Variants in C1orf87 observed in about 807,000 individuals in gnomAD.
C1orf87 encodes the protein uncharacterized protein C1orf87.
Under a neutral mutation model 60.5 loss-of-function variants are expected in C1orf87, and 58 were observed. That is an observed-to-expected ratio of 0.96 (90% CI 0.78 to 1.19). C1orf87 has a LOEUF of 1.19. Among genes scored for constraint, C1orf87 ranks in the 50% most tolerant of loss-of-function variants. The pLI is 0.00. For synonymous variants in C1orf87, 236 were observed against 227.4 expected (o/e 1.04, Z -0.34); for missense variants, 673 against 638.6 (o/e 1.05, Z -0.58).
intron 8 of C1orf87, among the ~76,000 whole-genome samples, chr1:60,015,219 T>C (rs114656040): frequency 0.015 from 2,289 of 152,206 alleles, 46 homozygotes; most frequent in African/African-American, 0.052. Flanking sequence ...TGCATGGGAT[T>C]AGTGTTCTTA....
At chr1:60,051,326 T>G (rs544449657) in intron 3 of C1orf87, among the ~76,000 whole-genome samples, 1 of 152,330 alleles carries the variant, frequency 6.6e-6, no homozygotes. Context: ...CCCTGCCCCA[T>G]TCATGTTGTG....
chr1:60,018,411 T>C (rs934974459), intron 8 of C1orf87, among the ~76,000 whole-genome samples: 1 of 152,222 alleles, frequency 6.6e-6, no homozygotes, highest in Non-Finnish European at 1.5e-5. Context: ...ACAAAAACAG[T>C]GAGAAATTGA....
intron 9 of C1orf87, among the ~76,000 whole-genome samples, chr1:60,001,415 C>G (rs1645003502): frequency 6.6e-6 from 1 of 151,978 alleles, no homozygotes. Flanking sequence ...ATAAATAAAA[C>G]TAAAGAAAAA....
In C1orf87 at chr1:60,063,131, CT is replaced by C. The variant is rs1349446065; in HGVS notation, c.108-7694del. Among the ~76,000 whole-genome samples, 10 of 152,046 alleles carry C rather than the reference CT, an allele frequency of 6.6e-5. 1 individual carries two copies. Among genetic ancestry groups the C allele is most frequent in the Admixed American group, 6.6e-4 (10 of 15,244 alleles). On this transcript the variant is annotated intron_variant, in intron 2 of 11. Transcript: ENST00000371201. ...AACTTGTAAAAATGAAGATAAGTATCTTCTGTGATGTTATTGTTCAGTTTTA... is the reference window on the plus strand; with the variant it reads ...AACTTGTAAAAATGAAGATAAGTATCTCTGTGATGTTATTGTTCAGTTTTA...
At chr1:60,054,972 T>C (rs984655552) in intron 3 of C1orf87, among the ~76,000 whole-genome samples, 4 of 152,178 alleles carry the variant, frequency 2.6e-5, no homozygotes, top group African/African-American at 7.2e-5. Context: ...TTGGTTGTCA[T>C]GACCAACTTC....
intron 7 of C1orf87, 100 bp from the exon 8 acceptor site, chr1:60,025,598 G>A (rs1645193699): frequency 2.2e-6 from 2 of 919,012 alleles, no homozygotes; most frequent in South Asian, 3.7e-5. Flanking sequence ...ATAATTGGAA[G>A]CTATATTATT....
intron 7 of C1orf87, among the ~76,000 whole-genome samples, chr1:60,025,735 T>C (rs1645194476): frequency 6.6e-6 from 1 of 152,220 alleles, no homozygotes; most frequent in Non-Finnish European, 1.5e-5. Context: ...CAGAGGTATA[T>C]TTCATTACTC....
chr1:60,050,745 TC>T (rs2100312060), intron 3 of C1orf87, among the ~76,000 whole-genome samples: 1 of 152,200 alleles, frequency 6.6e-6, no homozygotes, highest in East Asian at 1.9e-4. Flanking sequence ...TCTAGTGTTT[TC>T]CCATTAAATT....
intron 3 of C1orf87, among the ~76,000 whole-genome samples, chr1:60,042,663 A>T (rs904256727): frequency 6.7e-6 from 1 of 148,520 alleles, no homozygotes; most frequent in Non-Finnish European, 1.5e-5. Flanking sequence ...ATCCTTACAC[A>T]ACAATACAAG....
intron 2 of C1orf87, among the ~76,000 whole-genome samples, chr1:60,063,633 G>T (rs11810543): frequency 0.013 from 1,960 of 152,204 alleles, 39 homozygotes; most frequent in African/African-American, 0.045. Flanking sequence ...ATACCAAGAG[G>T]CTTTGTTCTG....
At chr1:60,001,364 T>C (rs1298052752) in intron 9 of C1orf87, among the ~76,000 whole-genome samples, 1 of 151,988 alleles carries the variant, frequency 6.6e-6, no homozygotes, top group Admixed American at 6.6e-5. Context: ...GAAGTAGATG[T>C]TAAACAATGA....
intron 8 of C1orf87, among the ~76,000 whole-genome samples, chr1:60,014,452 GTGT>G (rs1353576197): frequency 5.9e-5 from 9 of 151,988 alleles, no homozygotes; most frequent in Admixed American, 5.9e-4. Flanking sequence ...TGCTACTCAC[GTGT>G]TGTTTGTTTC....
chr1:60,023,166 CA>C (rs1207823380), intron 8 of C1orf87, among the ~76,000 whole-genome samples: 1 of 152,088 alleles, frequency 6.6e-6, no homozygotes, highest in Non-Finnish European at 1.5e-5. Flanking sequence ...TGAACTTTTG[CA>C]TGGTTTATTT....
intron 2 of C1orf87, among the ~76,000 whole-genome samples, chr1:60,062,165 C>G (rs1645501862): frequency 6.6e-6 from 1 of 152,180 alleles, no homozygotes; most frequent in South Asian, 2.1e-4. Context: ...AGACCTAGTG[C>G]TCCTACCAAC....
intron 3 of C1orf87, among the ~76,000 whole-genome samples, chr1:60,047,390 C>T (rs1645380198): frequency 6.6e-6 from 1 of 152,044 alleles, no homozygotes; most frequent in African/African-American, 2.4e-5. Context: ...AATTATGTCG[C>T]TTTCAACTGT....
intron 8 of C1orf87, among the ~76,000 whole-genome samples, 193 bp downstream of exon 8, chr1:60,025,208 C>T: frequency 6.6e-6 from 1 of 152,140 alleles, no homozygotes; most frequent in East Asian, 1.9e-4. Flanking sequence ...ACAGGAAACT[C>T]TTATGTCTGT....
At chr1:60,046,788 T>C (rs1310725879) in intron 3 of C1orf87, among the ~76,000 whole-genome samples, 1 of 152,190 alleles carries the variant, frequency 6.6e-6, no homozygotes, top group Non-Finnish European at 1.5e-5. Flanking sequence ...CTTTCATCAT[T>C]ATTTTTTCTT....
At chr1:60,056,098 G>A (rs918574552) in intron 2 of C1orf87, among the ~76,000 whole-genome samples, 9 of 152,134 alleles carry the variant, frequency 5.9e-5, no homozygotes, top group African/African-American at 2.2e-4. Flanking sequence ...ACAAAAATCA[G>A]CCGGGCGTGG....
Position 59,995,949 on chromosome 1 carries a change from C to G in C1orf87, c.1480+1660G>C, listed in dbSNP as rs1644960528. The stretch of plus-strand genomic sequence containing the variant: ...CTTGAGGCCAGAGACTATGTCTCAT[C>G]CTTTCTGGTTTTCCTCTTGGTTCAG... On this transcript the variant is annotated intron_variant, in intron 11 of 11. Coordinates refer to ENST00000371201, the MANE Select transcript of C1orf87 (RefSeq NM_152377.3). 2.6e-5 allele frequency among the ~76,000 whole-genome samples: 4 copies of G among 152,322 alleles called. No homozygotes were observed. In the South Asian group the frequency reaches 8.3e-4, roughly 32 times the overall value.
Sources: allele counts gnomAD v4.1 joint callset (sites outside exome capture counted in the v4.1 genomes callset), GRCh38; gene constraint gnomAD v4.1.1; transcripts MANE v1.5; gene names NCBI Gene and HGNC (gene_info 2026-07-23, HGNC 2026-07-21).